SNX30: variants seen among roughly 807,000 people sequenced by gnomAD.
SNX30 encodes sorting nexin family member 30.
A neutral mutation model predicts 46.4 loss-of-function variants in SNX30; 24 were observed. The ratio of observed to expected loss-of-function variants is 0.52; its 90% CI spans 0.37 to 0.73. The LOEUF is 0.73. SNX30 is among the 30% of genes least tolerant of loss of function. SNX30 has a pLI of 0.00. For missense variants in SNX30, 533 were observed against 555.7 expected, an observed-to-expected ratio of 0.96 and a Z score of 0.41; for synonymous variants, 189 against 211.5, an observed-to-expected ratio of 0.89 and a Z score of 0.92.
chr9:112,767,119 A>ATTTTCTTTTTTTTTTTTT (rs776895151), intron 1 of SNX30, among the ~76,000 whole-genome samples: 1 of 28,812 alleles, frequency 3.5e-5, no homozygotes, highest in African/African-American at 9.8e-5. Context: ...AACACTAATT[A>ATTTTCTTTTTTTTTTTTT]TTTTATTTTT....
intron 6 of SNX30, among the ~76,000 whole-genome samples, chr9:112,847,172 T>C (rs777821764): frequency 6.6e-6 from 1 of 152,250 alleles, no homozygotes; most frequent in African/African-American, 2.4e-5. Flanking sequence ...TGTGTTTCTA[T>C]TGTTTAGCCT....
intron 2 of SNX30, among the ~76,000 whole-genome samples, chr9:112,812,464 C>T (rs562822737): frequency 7.2e-5 from 11 of 152,276 alleles, no homozygotes; most frequent in Admixed American, 5.2e-4. Flanking sequence ...CCATGTTGGC[C>T]AGGCTGGTCT....
chr9:112,860,989 T>C (rs531338828), intron 7 of SNX30, among the ~76,000 whole-genome samples: 47 of 152,272 alleles, frequency 3.1e-4, no homozygotes, highest in Admixed American at 2.8e-3. Flanking sequence ...AAGACAATTA[T>C]AGGTAAAGAA....
At chr9:112,805,003 G>C in intron 2 of SNX30, 36 bp downstream of exon 2, 1 of 1,504,510 alleles carries the variant, frequency 6.6e-7, no homozygotes, top group Non-Finnish European at 9.0e-7. Flanking sequence ...CGTGTTGAGT[G>C]GTCTCGGGGA....
At chr9:112,841,221 T>G (rs1402338336) in intron 6 of SNX30, among the ~76,000 whole-genome samples, 1 of 146,980 alleles carries the variant, frequency 6.8e-6, no homozygotes, top group African/African-American at 2.7e-5. Flanking sequence ...AATTACTCTG[T>G]TTTTTTTCCT....
At chr9:112,811,269 G>T (rs1840314690) in intron 2 of SNX30, among the ~76,000 whole-genome samples, 1 of 152,204 alleles carries the variant, frequency 6.6e-6, no homozygotes, top group South Asian at 2.1e-4. Context: ...AGATCCCTTT[G>T]TTGGGAGATG....
intron 1 of SNX30, among the ~76,000 whole-genome samples, chr9:112,767,870 G>T (rs958684882): frequency 6.6e-6 from 1 of 152,188 alleles, no homozygotes; most frequent in African/African-American, 2.4e-5. Context: ...AAAGTATTGA[G>T]ATTACAGATG....
At chr9:112,764,866 G>A (rs1839508902) in intron 1 of SNX30, among the ~76,000 whole-genome samples, 1 of 152,232 alleles carries the variant, frequency 6.6e-6, no homozygotes, top group Non-Finnish European at 1.5e-5. Context: ...ATGCTACTGA[G>A]GGTCGGCTTT....
At chr9:112,772,802 C>T (rs970955829) in intron 1 of SNX30, among the ~76,000 whole-genome samples, 5 of 152,276 alleles carry the variant, frequency 3.3e-5, no homozygotes, top group Middle Eastern at 6.8e-3. Context: ...AAGTGTTGAT[C>T]CTGGCGTGTT....
intron 7 of SNX30, among the ~76,000 whole-genome samples, chr9:112,863,629 C>G (rs981144489): frequency 4.6e-5 from 7 of 152,332 alleles, no homozygotes; most frequent in Middle Eastern, 3.4e-3. Context: ...CCTGTTTTCT[C>G]AGACTTCTCT....
intron 5 of SNX30, among the ~76,000 whole-genome samples, chr9:112,836,894 C>G (rs2131456680): frequency 6.6e-6 from 1 of 152,300 alleles, no homozygotes; most frequent in African/African-American, 2.4e-5. Flanking sequence ...TAAACCCACT[C>G]CTGCATGGGG....
chr9:112,758,061 C>T (rs1839378763), intron 1 of SNX30, among the ~76,000 whole-genome samples: 1 of 152,158 alleles, frequency 6.6e-6, no homozygotes, highest in African/African-American at 2.4e-5. Flanking sequence ...CTGCTGATTG[C>T]CTCACCTTCC....
chr9:112,795,648 G>A (rs574809255), intron 1 of SNX30, among the ~76,000 whole-genome samples: 1 of 152,000 alleles, frequency 6.6e-6, no homozygotes, highest in Non-Finnish European at 1.5e-5. Context: ...TATGTGGGCT[G>A]TTCCTGGAAG....
exon 5 of SNX30, chr9:112,880,029 CT>C: frequency 2.1e-6 from 1 of 466,444 alleles, no homozygotes; most frequent in Non-Finnish European, 3.9e-6. Flanking sequence ...CCCATTGTTC[CT>C]TTAGATAGAA....
intron 1 of SNX30, among the ~76,000 whole-genome samples, chr9:112,763,629 T>G (rs947197963): frequency 5.3e-5 from 8 of 151,934 alleles, no homozygotes; most frequent in Non-Finnish European, 8.8e-5. Flanking sequence ...GGAGGGTGGA[T>G]CACGAGGTCA....
At chr9:112,810,006 C>G (rs1840294661) in intron 2 of SNX30, among the ~76,000 whole-genome samples, 1 of 152,032 alleles carries the variant, frequency 6.6e-6, no homozygotes, top group Non-Finnish European at 1.5e-5. Flanking sequence ...GCGGAGGAAG[C>G]TAGAATTGCC....
intron 1 of SNX30, among the ~76,000 whole-genome samples, chr9:112,766,591 C>A (rs925131687): frequency 2.0e-5 from 3 of 152,198 alleles, no homozygotes; most frequent in African/African-American, 7.2e-5. Context: ...AACTGAAATT[C>A]TATACCCATT....
intron 2 of SNX30, among the ~76,000 whole-genome samples, chr9:112,816,172 A>G (rs1840393246): frequency 6.6e-6 from 1 of 152,164 alleles, no homozygotes; most frequent in South Asian, 2.1e-4. Context: ...TGTTGAACCT[A>G]GGGCTCAAGG....
At chr9:112,881,706 C>A (rs1841579757), downstream of SNX30, 1 of 152,236 alleles carries the variant, frequency 6.6e-6, no homozygotes, top group Non-Finnish European at 1.5e-5. Context: ...GTGCTGAACA[C>A]AGAAGATACA....
Sources: allele counts gnomAD v4.1 joint callset (sites outside exome capture counted in the v4.1 genomes callset), GRCh38; gene constraint gnomAD v4.1.1; transcripts MANE v1.5; gene names NCBI Gene and HGNC (gene_info 2026-07-23, HGNC 2026-07-21).